FSTL5: variants seen among roughly 807,000 people sequenced by gnomAD.
FSTL5 encodes follistatin-related protein 5.
Under a neutral mutation model 89.1 loss-of-function variants are expected in FSTL5, and 62 were observed. The observed-to-expected ratio is 0.70, with a 90% CI of 0.57 to 0.86. FSTL5 has a LOEUF of 0.86. Among genes scored for constraint, FSTL5 ranks in the 40% least tolerant of loss-of-function variants. The pLI is 0.00. For synonymous variants in FSTL5, 383 were observed against 346.2 expected (o/e 1.11, Z -1.18); for missense variants, 1,057 against 1,001.6 (o/e 1.06, Z -0.75).
At chr4:162,050,852 A>G (rs1044186428) in intron 2 of FSTL5, among the ~76,000 whole-genome samples, 5 of 151,426 alleles carry the variant, frequency 3.3e-5, no homozygotes, top group African/African-American at 9.7e-5. Context: ...GAGAAAAACT[A>G]TATTTGTAGA....
chr4:161,549,745 T>TTG (rs533418893), intron 8 of FSTL5, among the ~76,000 whole-genome samples: 63 of 152,100 alleles, frequency 4.1e-4, no homozygotes, highest in African/African-American at 1.5e-3. Context: ...GCATGTATTT[T>TTG]GAACTACCTG....
intron 3 of FSTL5, among the ~76,000 whole-genome samples, chr4:161,982,028 C>A (rs1735841110): frequency 6.6e-6 from 1 of 152,158 alleles, no homozygotes; most frequent in South Asian, 2.1e-4. Flanking sequence ...TCTTATTCCT[C>A]CTTGATTCAT....
chr4:161,822,151 T>C (rs996362403), intron 4 of FSTL5, among the ~76,000 whole-genome samples: 3 of 152,166 alleles, frequency 2.0e-5, no homozygotes, highest in African/African-American at 7.2e-5. Context: ...TATTGCATTA[T>C]GGTTTTGATT....
chr4:161,514,244 C>G lies in FSTL5; in HGVS notation c.1313-3820G>C, dbSNP rs188552839. ...AAAGTATTACACACACACACACATA[C>G]ACACACACAGACACAGACACACACA... On this transcript the variant is annotated intron_variant, in intron 10 of 15. Coordinates refer to ENST00000306100, the MANE Select transcript of FSTL5 (RefSeq NM_020116.5). Among the ~76,000 whole-genome samples the G allele has an allele frequency of 3.3e-5, 5 of 150,678 alleles. No homozygotes were observed. The East Asian group carries it at 9.6e-4, about 29-fold the overall frequency.
chr4:161,818,621 G>A lies in FSTL5; in HGVS notation c.410-42547C>T, dbSNP rs185694208. On this transcript the variant is annotated intron_variant, in intron 4 of 15. Coordinates refer to ENST00000306100, the MANE Select transcript of FSTL5 (RefSeq NM_020116.5). ...TTGAGCAGTGGGGCATTGTAGAAGTGAGCCACACCCCCATTGCACGCACTG... is the reference window on the plus strand; with the variant it reads ...TTGAGCAGTGGGGCATTGTAGAAGTAAGCCACACCCCCATTGCACGCACTG... Among the ~76,000 whole-genome samples, 939 of 152,294 alleles carry A rather than the reference G, an allele frequency of 6.2e-3. 8 individuals are homozygous for A. The highest frequency in any genetic ancestry group is 9.6e-3 in the Non-Finnish European group (655 of 68,012).
chr4:161,911,338 C>T (rs1346067787), intron 4 of FSTL5, among the ~76,000 whole-genome samples: 4 of 151,660 alleles, frequency 2.6e-5, no homozygotes, highest in Admixed American at 1.3e-4. Context: ...AAATTATAAC[C>T]TGATTATGGT....
chr4:161,982,979 C>T (rs1442146966), intron 3 of FSTL5, among the ~76,000 whole-genome samples: 33 of 152,214 alleles, frequency 2.2e-4, no homozygotes, highest in Non-Finnish European at 7.4e-5. Context: ...TCAAATCCAA[C>T]CCACATGCTG....
intron 8 of FSTL5, 84 bp downstream of exon 8, chr4:161,587,370 TA>T: frequency 7.3e-7 from 1 of 1,371,296 alleles, no homozygotes; most frequent in Non-Finnish European, 1.0e-6. Flanking sequence ...TAGTACCTTG[TA>T]AAAACTCAAA....
At chr4:161,966,711 G>A (rs1240856874) in intron 3 of FSTL5, among the ~76,000 whole-genome samples, 1 of 152,010 alleles carries the variant, frequency 6.6e-6, no homozygotes, top group East Asian at 1.9e-4. Flanking sequence ...CCCTCAGAAG[G>A]AACCAGCCCT....
At chr4:161,541,406 G>A (rs1578911106) in intron 9 of FSTL5, among the ~76,000 whole-genome samples, 1 of 152,142 alleles carries the variant, frequency 6.6e-6, no homozygotes, top group East Asian at 1.9e-4. Context: ...AAGAGACAAA[G>A]TCAGAAGCTA....
intron 4 of FSTL5, among the ~76,000 whole-genome samples, chr4:161,783,728 T>C (rs71639367): frequency 0.011 from 174 of 15,436 alleles, no homozygotes; most frequent in African/African-American, 0.018. Context: ...TCTTTCTTCT[T>C]TTCTTTTCTT....
chr4:161,452,667 A>G (rs1733212934), intron 15 of FSTL5, among the ~76,000 whole-genome samples: 1 of 152,150 alleles, frequency 6.6e-6, no homozygotes, highest in South Asian at 2.1e-4. Context: ...ATTACTTTGA[A>G]CTGCACCAAG....
At chr4:161,711,150 G>A (rs934247605) in intron 6 of FSTL5, among the ~76,000 whole-genome samples, 1 of 151,826 alleles carries the variant, frequency 6.6e-6, no homozygotes, top group African/African-American at 2.4e-5. Context: ...GGGGACAAGG[G>A]GACAGGTACG....
At position 161,701,725 on chromosome 4, in the gene FSTL5, G is replaced by A. The variant is rs529201710; in HGVS notation, c.728-45231C>T. ...GTTAAAGACTTTGTCAAAAGTACAT[G>A]TAGTTAGAGGACTACTGATTAGACT... is the stretch of plus-strand genomic sequence containing the variant. On this transcript the variant is annotated intron_variant, in intron 6 of 15. Transcript: ENST00000306100. 1.8e-3 allele frequency among the ~76,000 whole-genome samples: 276 copies of A among 152,216 alleles called. 2 individuals carry two copies. Among genetic ancestry groups the A allele is most frequent in the South Asian group, 8.9e-3 (43 of 4,820 alleles).
At chr4:162,036,531 C>T (rs1180106634) in intron 2 of FSTL5, among the ~76,000 whole-genome samples, 1 of 152,000 alleles carries the variant, frequency 6.6e-6, no homozygotes, top group East Asian at 1.9e-4. Context: ...AAGCCACTAG[C>T]ATATGCATAA....
intron 4 of FSTL5, among the ~76,000 whole-genome samples, chr4:161,915,870 T>G (rs1445550814): frequency 6.6e-6 from 1 of 152,174 alleles, no homozygotes; most frequent in Non-Finnish European, 1.5e-5. Flanking sequence ...TAAAAGGCTG[T>G]ATTAACATAA....
At chr4:161,835,508 G>C (rs1213007862) in intron 4 of FSTL5, among the ~76,000 whole-genome samples, 2 of 151,908 alleles carry the variant, frequency 1.3e-5, no homozygotes. Context: ...CCATCAGAGT[G>C]AACAGGCAAC....
chr4:161,532,821 C>T lies in FSTL5; in HGVS notation c.1312+5345G>A, dbSNP rs528710437. 3.5e-4 allele frequency among the ~76,000 whole-genome samples: 53 copies of T among 152,212 alleles called. 1 individual carries two copies. In the South Asian group the frequency reaches 6.0e-3, roughly 17 times the overall value. ...CTTTTGCCCATGGATTGCCCACATGCTTTGCCATAACACAAGTCTTAATAA... is the reference window on the plus strand; with the variant it reads ...CTTTTGCCCATGGATTGCCCACATGTTTTGCCATAACACAAGTCTTAATAA... On this transcript the variant is annotated intron_variant, in intron 10 of 15. Transcript: ENST00000306100.
intron 15 of FSTL5, 66 bp from the exon 16 acceptor site, chr4:161,386,515 A>G: frequency 8.9e-7 from 1 of 1,124,692 alleles, no homozygotes; most frequent in Non-Finnish European, 1.3e-6. Flanking sequence ...GAAAAAAACT[A>G]GATACAGGTG....
Sources: allele counts gnomAD v4.1 joint callset (sites outside exome capture counted in the v4.1 genomes callset), GRCh38; gene constraint gnomAD v4.1.1; transcripts MANE v1.5; gene names NCBI Gene and HGNC (gene_info 2026-07-23, HGNC 2026-07-21).